NDFIP2: variants seen among roughly 807,000 people sequenced by gnomAD.
NDFIP2 encodes Nedd4 family interacting protein 2.
A neutral mutation model predicts 36.0 loss-of-function variants in NDFIP2; 19 were observed. The ratio of observed to expected loss-of-function variants is 0.53; its 90% CI spans 0.37 to 0.77. The LOEUF (loss-of-function observed/expected upper bound fraction) is 0.77, where lower values mean the gene tolerates loss of function less well. Among genes scored for constraint, NDFIP2 ranks in the 30% least tolerant of loss-of-function variants. The pLI, the probability that NDFIP2 is intolerant of heterozygous loss-of-function variation, is 0.00. For synonymous variants in NDFIP2, 181 were observed against 167.7 expected, an observed-to-expected ratio of 1.08 and a Z score of -0.61; for missense variants, 446 against 435.8, an observed-to-expected ratio of 1.02 and a Z score of -0.21.
intron 2 of NDFIP2, among the ~76,000 whole-genome samples, chr13:79,530,657 A>G (rs1874979340): frequency 6.6e-6 from 1 of 152,224 alleles, no homozygotes; most frequent in Admixed American, 6.5e-5. Context: ...CTTCACCAAG[A>G]GTATCTCCCA....
At chr13:79,496,182 T>G (rs1350530670) in intron 1 of NDFIP2, among the ~76,000 whole-genome samples, 2 of 151,970 alleles carry the variant, frequency 1.3e-5, no homozygotes, top group Non-Finnish European at 2.9e-5. Context: ...TAATTTCTTT[T>G]TAATGTGAAG....
In NDFIP2 at chr13:79,530,156, C is replaced by CT. The variant is rs200706114; in HGVS notation, c.488-3158dup. Among the ~76,000 whole-genome samples, 60 of 150,976 alleles carry CT rather than the reference C, an allele frequency of 4.0e-4. No individual in the cohort carries two copies. In the East Asian group the frequency reaches 0.011, roughly 27 times the overall value. On this transcript the variant is annotated intron_variant, in intron 2 of 7. Transcript: ENST00000218652. Reference sequence around the variant, plus strand: ...TGGGGTGGCTATGGCAATTTCTTTTCTTTTTTTTTAGAGACAGAATTCAGT... The same window carrying CT: ...TGGGGTGGCTATGGCAATTTCTTTTCTTTTTTTTTTAGAGACAGAATTCAGT...
chr13:79,520,635 A>G (rs1321645757), intron 1 of NDFIP2, among the ~76,000 whole-genome samples, 175 bp from the exon 2 acceptor site: 1 of 152,240 alleles, frequency 6.6e-6, no homozygotes, highest in East Asian at 1.9e-4. Context: ...AAGTCTTTAC[A>G]AATTGTTTTT....
chr13:79,517,229 G>A (rs1874385878), intron 1 of NDFIP2, among the ~76,000 whole-genome samples: 1 of 152,248 alleles, frequency 6.6e-6, no homozygotes, highest in African/African-American at 2.4e-5. Flanking sequence ...AGGCTCATAA[G>A]TAGGAAGAGC....
rs10558361 is a variant in NDFIP2, at chr13:79,482,169, C to CTTTTTTTT, written c.321+664_321+671dup. ...CCACTTTTTCTTTCTTTCTTTCTTTCTTTTTTTTTTTTTTTTTTTTTTTTT... is the reference window on the plus strand; with the variant it reads ...CCACTTTTTCTTTCTTTCTTTCTTTCTTTTTTTTTTTTTTTTTTTTTTTTTTTTTTTTT... On this transcript the variant is annotated intron_variant, in intron 1 of 7. Transcript: ENST00000218652. 6.7e-3 allele frequency among the ~76,000 whole-genome samples: 506 copies of CTTTTTTTT among 75,852 alleles called. 3 individuals are homozygous for CTTTTTTTT. Among genetic ancestry groups the CTTTTTTTT allele is most frequent in the Non-Finnish European group, 9.3e-3 (376 of 40,370 alleles). 49.8% of individuals were successfully genotyped at this position (75,852 alleles called of 152,430 possible).
chr13:79,534,360 T>TTG (rs1555358290), intron 3 of NDFIP2, among the ~76,000 whole-genome samples: 8 of 148,646 alleles, frequency 5.4e-5, no homozygotes, highest in Non-Finnish European at 1.2e-4. Flanking sequence ...GTTTTTTTTT[T>TTG]TTTTTTTTTT....
intron 1 of NDFIP2, among the ~76,000 whole-genome samples, chr13:79,519,924 C>G (rs190771158): frequency 2.0e-3 from 297 of 152,282 alleles, no homozygotes; most frequent in Admixed American, 2.9e-3. Context: ...CCTCAGCCAC[C>G]CGAGTAGCTG....
At chr13:79,542,505 G>T (rs1465039445) in intron 4 of NDFIP2, among the ~76,000 whole-genome samples, 1 of 149,396 alleles carries the variant, frequency 6.7e-6, no homozygotes, top group African/African-American at 2.5e-5. Context: ...GTGTTGTTCT[G>T]TTTTTTGTTT....
intron 1 of NDFIP2, among the ~76,000 whole-genome samples, chr13:79,491,210 T>C (rs1873213717): frequency 2.0e-5 from 3 of 152,216 alleles, no homozygotes; most frequent in Admixed American, 2.0e-4. Context: ...ACCTGCCATA[T>C]GGTAGACTTT....
intron 1 of NDFIP2, among the ~76,000 whole-genome samples, chr13:79,500,942 G>A (rs1406510711): frequency 1.3e-5 from 2 of 152,028 alleles, no homozygotes; most frequent in Non-Finnish European, 2.9e-5. Context: ...TAGGTGAATG[G>A]ATAAACCGTG....
Position 79,553,332 on chromosome 13 carries a change from G to A in NDFIP2, c.*819G>A, listed in dbSNP as rs1875978643. 2 of 151,236 alleles carry A rather than the reference G, an allele frequency of 1.3e-5. No individual in the cohort carries two copies. The highest frequency in any genetic ancestry group is 3.9e-4 in the East Asian group (2 of 5,194). The allele number at this position is 151,236 out of a possible 1,614,324, so 9.4% of individuals were successfully genotyped here. ...AAGAAAAATAAATTTTATTTTAAGG[G>A]ACATACTAGTTTTAGGGATTTTCAG... On this transcript the variant is annotated 3_prime_UTR_variant, in exon 8 of 8. Transcript: ENST00000218652.
intron 7 of NDFIP2, among the ~76,000 whole-genome samples, chr13:79,551,896 C>A (rs77872952): frequency 2.0e-4 from 30 of 151,364 alleles, no homozygotes; most frequent in Admixed American, 1.3e-3. Flanking sequence ...AGCATTTGAA[C>A]TCTATTACCA....
At chr13:79,509,705 A>AGAGAGG (rs1294469042) in intron 1 of NDFIP2, among the ~76,000 whole-genome samples, 8 of 151,658 alleles carry the variant, frequency 5.3e-5, no homozygotes, top group South Asian at 2.1e-4. Flanking sequence ...AGAGAGAGAG[A>AGAGAGG]GAAGTTTATT....
intron 3 of NDFIP2, among the ~76,000 whole-genome samples, chr13:79,535,960 T>G (rs1164905989): frequency 1.3e-5 from 2 of 152,208 alleles, no homozygotes; most frequent in Non-Finnish European, 2.9e-5. Context: ...TTGAGTACAT[T>G]CAGTTGTAAA....
chr13:79,540,012 A>T (rs1484240624), intron 4 of NDFIP2, among the ~76,000 whole-genome samples: 1 of 152,258 alleles, frequency 6.6e-6, no homozygotes, highest in Non-Finnish European at 1.5e-5. Flanking sequence ...GAAGATGCTG[A>T]CATGTAAAAG....
At chr13:79,522,107 C>T (rs935516467) in intron 2 of NDFIP2, among the ~76,000 whole-genome samples, 1 of 152,132 alleles carries the variant, frequency 6.6e-6, no homozygotes, top group Middle Eastern at 3.2e-3. Flanking sequence ...GGATTACAGG[C>T]GTGAGCCACC....
Position 79,481,361 on chromosome 13 carries a change from A to T in NDFIP2, c.158A>T (p.Asp53Val). 1.9e-6 allele frequency: 3 copies of T among 1,551,536 alleles called. No individual in the cohort carries two copies. The highest frequency in any genetic ancestry group is 2.6e-6 in the Non-Finnish European group (3 of 1,148,118). ...GGAAGTGAAGAGCTTCCGCCGGGAG[A>T]CCGCGGCTGCAGGAACGGAGGCGGA... ...ATGSEELPPG[D>V]RGCRNGGGRG... Residue 53 changes from aspartate (D) to valine (V), a missense_variant, in exon 1 of 8, where the codon GAC (aspartate) becomes GTC (valine). Coordinates refer to ENST00000218652, the MANE Select transcript of NDFIP2 (RefSeq NM_019080.3).
intron 3 of NDFIP2, among the ~76,000 whole-genome samples, chr13:79,539,324 A>G (rs890237529): frequency 6.6e-6 from 1 of 152,196 alleles, no homozygotes; most frequent in Non-Finnish European, 1.5e-5. Flanking sequence ...AAAATTGCCA[A>G]CAATATAAGT....
At chr13:79,537,358 A>C (rs1050832294) in intron 3 of NDFIP2, among the ~76,000 whole-genome samples, 8 of 151,826 alleles carry the variant, frequency 5.3e-5, no homozygotes, top group Admixed American at 3.9e-4. Flanking sequence ...TGATCCACCC[A>C]CCTCGGCCTC....
Sources: gnomAD v4.1 joint callset for allele counts (sites outside exome capture counted in the v4.1 genomes callset) on GRCh38, gnomAD v4.1.1 for gene constraint, MANE v1.5 for transcripts, NCBI Gene and HGNC (gene_info 2026-07-23, HGNC 2026-07-21) for gene names.